The following EEF2 variants were observed in gnomAD, a reference collection of about 807,000 sequenced individuals.
EEF2 encodes eukaryotic translation elongation factor 2.
A neutral mutation model predicts 85.3 loss-of-function variants in EEF2; 21 were observed. The observed-to-expected ratio is 0.25, with a 90% CI of 0.17 to 0.35. The LOEUF (loss-of-function observed/expected upper bound fraction) is 0.35. Among genes scored for constraint, EEF2 ranks in the 10% least tolerant of loss-of-function variants. The probability of loss-of-function intolerance (pLI) is 1.00; values close to 1 mark genes in which losing one functional copy is unlikely to be tolerated. For synonymous variants in EEF2, 723 were observed against 508.8 expected, an observed-to-expected ratio of 1.42 and a Z score of -5.67; for missense variants, 825 against 1,225.3, an observed-to-expected ratio of 0.67 and a Z score of 4.88.
chr19:3,982,335 G>T lies in EEF2; in HGVS notation c.702C>A (p.Ala234=). The stretch of plus-strand genomic sequence containing the variant: ...GGCCCTCCCCCTTGGCGGCGAACTT[G>T]GCCACATACATCTCGGCAAACTGCT... ...TLKQFAEMYV[A]KFAAKGEGQL... is the part of the protein sequence containing the mutation. Residue 234 remains alanine, a synonymous_variant, in exon 5 of 15, where the codon GCC becomes GCA. Transcript: ENST00000309311. The T allele has an allele frequency of 6.2e-7, 1 of 1,614,152 alleles. No individual in the cohort carries two copies. The highest frequency in any genetic ancestry group is 8.5e-7 in the Non-Finnish European group (1 of 1,180,038).
chr19:3,979,607 A>C (rs1287794447), intron 10 of EEF2, 171 bp from the exon 11 acceptor site: 8 of 948,016 alleles, frequency 8.4e-6, no homozygotes, highest in Non-Finnish European at 1.3e-5. Flanking sequence ...CACAAGCTAC[A>C]GTGAACACGC....
Position 3,985,369 on chromosome 19 carries a change from G to T in EEF2, c.3+9C>A, listed in dbSNP as rs756229330. The T allele has an allele frequency of 1.3e-6, 2 of 1,504,478 alleles. No homozygotes were observed. Among genetic ancestry groups the T allele is most frequent in the Non-Finnish European group, 8.9e-7 (1 of 1,121,864 alleles). The allele number at this position is 1,504,478 out of a possible 1,614,324, so 93.2% of individuals were successfully genotyped here. Reference sequence around the variant, plus strand: ...CGCTCCGGGGCACCAGCGAGGCAGGGTTACTCACCATGGTGGCGGATGGCG... The same window carrying T: ...CGCTCCGGGGCACCAGCGAGGCAGGTTTACTCACCATGGTGGCGGATGGCG... On this transcript the variant is annotated intron_variant, in intron 1 of 14. Coordinates refer to ENST00000309311, the MANE Select transcript of EEF2 (RefSeq NM_001961.4).
Position 3,977,717 on chromosome 19 carries a change from C to T in EEF2, c.2067+102G>A, listed in dbSNP as rs530881667. Reference sequence around the variant, plus strand: ...CACCAGGGGGACCTGGGGCCTTGCCCGCCTTGGCCCCATTAGGGTCTCTGT... The same window carrying T: ...CACCAGGGGGACCTGGGGCCTTGCCTGCCTTGGCCCCATTAGGGTCTCTGT... On this transcript the variant is annotated intron_variant, in intron 12 of 14. Transcript: ENST00000309311. The surrounding 1 kb of genome is among the most constrained non-coding windows in gnomAD (Gnocchi z 5.4). 21 of 1,480,934 alleles carry T rather than the reference C, an allele frequency of 1.4e-5. No homozygotes were observed. The East Asian group carries it at 1.6e-4, about 11-fold the overall frequency. The allele number at this position is 1,480,934 out of a possible 1,614,324, so 91.7% of individuals were successfully genotyped here. A position where few individuals can be genotyped will look rare whatever the true frequency, so the allele number is the denominator to read the frequency against.
intron 1 of EEF2, 144 bp from the exon 2 acceptor site, chr19:3,984,494 G>A (rs2039794752): frequency 7.4e-6 from 6 of 807,074 alleles, no homozygotes; most frequent in Non-Finnish European, 1.2e-5. Flanking sequence ...AATCTTGCCA[G>A]CCTAACACCC....
Position 3,980,045 on chromosome 19 carries a change from G to A in EEF2, c.1368C>T (p.Arg456=), listed in dbSNP as rs772793732. The change falls in exon 10 of 15, where the codon CGC becomes CGT. Residue 456 remains arginine, a synonymous_variant. Coordinates refer to ENST00000309311, the MANE Select transcript of EEF2 (RefSeq NM_001961.4). ...GCACATCCTCGATGGGCTCCACGTAGCGGCCCATCATCAAGATTGTTCTGG... is the reference window on the plus strand; with the variant it reads ...GCACATCCTCGATGGGCTCCACGTAACGGCCCATCATCAAGATTGTTCTGG... ...PIQRTILMMG[R]YVEPIEDVPC... The A allele has an allele frequency of 1.3e-5, 21 of 1,613,354 alleles. No homozygotes were observed. The highest frequency in any genetic ancestry group is 1.7e-5 in the Non-Finnish European group (20 of 1,179,958).
In EEF2 at chr19:3,976,173, CT is replaced by C. The variant is rs1416409704; in HGVS notation, c.*380del. On this transcript the variant is annotated 3_prime_UTR_variant, in exon 15 of 15. Transcript: ENST00000309311. The stretch of plus-strand genomic sequence containing the variant: ...TCATCTACCCGCGTGTTCCTTTCCC[CT>C]TTCTGGGGCAAAAGCCACTGCGGGC... The C allele has an allele frequency of 1.2e-5, 3 of 245,244 alleles. No individual in the cohort carries two copies. Among genetic ancestry groups the C allele is most frequent in the African/African-American group, 7.0e-5 (3 of 42,924 alleles). The allele number at this position is 245,244 out of a possible 1,614,324, so 15.2% of individuals were successfully genotyped here.
rs748709884 is a variant in EEF2, at chr19:3,976,549, G to T, written c.*5C>A. On this transcript the variant is annotated 3_prime_UTR_variant, in exon 15 of 15. Transcript: ENST00000309311. ...CGGGGCGGCAGGCGCTGCAGGAAGGGCCGCCTACAATTTGTCCAGGAAGTT... is the reference window on the plus strand; with the variant it reads ...CGGGGCGGCAGGCGCTGCAGGAAGGTCCGCCTACAATTTGTCCAGGAAGTT... 6.2e-7 allele frequency: 1 copy of T among 1,600,848 alleles called. No homozygotes were observed. The highest frequency in any genetic ancestry group is 1.1e-5 in the South Asian group (1 of 89,016).
chr19:3,982,124 G>A, intron 5 of EEF2, 72 bp from the exon 6 acceptor site: 1 of 1,598,700 alleles, frequency 6.3e-7, no homozygotes, highest in South Asian at 1.1e-5. Context: ...GGTCGCCAAG[G>A]GGACATGCTT....
rs756076383 is a variant in EEF2 at position 3,982,004 on chromosome 19, G to A, written c.840C>T (p.Pro280=). ...AGGTGCGTGGCAGCTTCTTCCCTTC[G>A]GGGCTGGTGGCTGACTTGCTGAACT... ...NGKFSKSATS[P]EGKKLPRTFC... is the part of the protein sequence containing the mutation. The change falls in exon 6 of 15, where the codon CCC becomes CCT. Residue 280 remains proline (P), a synonymous_variant. Coordinates refer to ENST00000309311, the MANE Select transcript of EEF2 (RefSeq NM_001961.4). 3.0e-5 allele frequency: 48 copies of A among 1,614,056 alleles called. No individual in the cohort carries two copies. The Admixed American group carries it at 3.8e-4, about 13-fold the overall frequency.
chr19:3,982,056 G>A lies in EEF2; in HGVS notation c.792-4C>T, dbSNP rs1555684574. On this transcript the variant is annotated splice_polypyrimidine_tract_variant and splice_region_variant and intron_variant, in intron 5 of 14. Coordinates refer to ENST00000309311, the MANE Select transcript of EEF2 (RefSeq NM_001961.4). ...GCCGTTGGCTGGGTCAAAGTACCTG[G>A]CAAGGAGAGGCCAAGCCAAATCAAG... 1.9e-6 allele frequency: 3 copies of A among 1,613,894 alleles called. No homozygotes were observed. The highest frequency in any genetic ancestry group is 8.5e-7 in the Non-Finnish European group (1 of 1,179,898).
chr19:3,981,918 G>A, intron 6 of EEF2, 29 bp downstream of exon 6: 1 of 1,603,290 alleles, frequency 6.2e-7, no homozygotes, highest in Non-Finnish European at 8.5e-7. Context: ...AGTCGCATCG[G>A]CGGGGTGCCT....
rs1234852387 is a variant in EEF2 at position 3,978,011 on chromosome 19, A to G, written c.1875T>C (p.Arg625=). The part of the protein sequence containing the change: ...EDIDKGEVSA[R]QELKQRARYL... ...AGCGCGCCCGCTGCTTGAGCTCCTGACGGGCGGACACCTCGCCTTTATCGA... is the reference window on the plus strand; with the variant it reads ...AGCGCGCCCGCTGCTTGAGCTCCTGGCGGGCGGACACCTCGCCTTTATCGA... The change falls in exon 12 of 15, where the codon CGT becomes CGC. Residue 625 remains arginine (R), a synonymous_variant. Transcript: ENST00000309311. 6.2e-7 allele frequency: 1 copy of G among 1,610,648 alleles called. No homozygotes were observed. The highest frequency in any genetic ancestry group is 8.5e-7 in the Non-Finnish European group (1 of 1,178,214).
Position 3,985,383 on chromosome 19 carries a change from T to C in EEF2, c.-3A>G, listed in dbSNP as rs754033543. The C allele has an allele frequency of 2.2e-5, 33 of 1,512,194 alleles. No individual in the cohort carries two copies. Among genetic ancestry groups the C allele is most frequent in the African/African-American group, 2.9e-5 (2 of 70,050 alleles). The allele number at this position is 1,512,194 out of a possible 1,614,324, so 93.7% of individuals were successfully genotyped here. A position where few individuals can be genotyped will look rare whatever the true frequency, so the allele number is the denominator to read the frequency against. On this transcript the variant is annotated 5_prime_UTR_variant, in exon 1 of 15. Transcript: ENST00000309311. ...AGCGAGGCAGGGTTACTCACCATGGTGGCGGATGGCGGTGGATTCTCCCAG... is the reference window on the plus strand; with the variant it reads ...AGCGAGGCAGGGTTACTCACCATGGCGGCGGATGGCGGTGGATTCTCCCAG...
At position 3,976,588 on chromosome 19, in the gene EEF2, A is replaced by G; in HGVS notation, c.2543T>C (p.Ile848Thr). ...TRKRKGLKEG[I>T]PALDNFLDKL ...GTCCAGGAAGTTGTCCAGGGCAGGGATGCCTTCTTTCAGGCCCTTGCGCTT... is the reference window on the plus strand; with the variant it reads ...GTCCAGGAAGTTGTCCAGGGCAGGGGTGCCTTCTTTCAGGCCCTTGCGCTT... The change falls in exon 15 of 15, where the codon ATC becomes ACC. Residue 848 changes from isoleucine (I) to threonine (T), a missense_variant. By Grantham distance (89) the Ile-to-Thr change is moderately conservative. Transcript: ENST00000309311. 6.2e-7 allele frequency: 1 copy of G among 1,610,438 alleles called. No individual in the cohort carries two copies. Among genetic ancestry groups the G allele is most frequent in the South Asian group, 1.1e-5 (1 of 90,318 alleles).
Position 3,982,898 on chromosome 19 carries a change from A to G in EEF2, c.521T>C (p.Leu174Pro). 1 of 1,613,678 alleles carries G rather than the reference A, an allele frequency of 6.2e-7. No homozygotes were observed. Among genetic ancestry groups the G allele is most frequent in the Non-Finnish European group, 8.5e-7 (1 of 1,180,002 alleles). Residue 174 changes from leucine (L) to proline (P), a missense_variant, in exon 4 of 15, where the codon CTC (leucine) becomes CCC (proline). By Grantham distance (98) the Leu-to-Pro change is moderately conservative (BLOSUM62 -3). Coordinates refer to ENST00000309311, the MANE Select transcript of EEF2 (RefSeq NM_001961.4). ...CACGATGCGCTGGAAAGTCTGGTAG[A>G]GCTCCTCGGGCTCCAGCTGCAGCTC... The part of the protein sequence containing the change: ...LLELQLEPEE[L>P]YQTFQRIVEN...
Position 3,976,475 on chromosome 19 carries a change from G to T in EEF2, c.*79C>A. ...GTCGCTGTGTCGGGACAGTCTCCAG[G>T]TGTCGTCTGAGAATTCGAGGACGTG... On this transcript the variant is annotated 3_prime_UTR_variant, in exon 15 of 15. Transcript: ENST00000309311. The T allele has an allele frequency of 6.7e-7, 1 of 1,499,288 alleles. No individual in the cohort carries two copies. The highest frequency in any genetic ancestry group is 9.0e-7 in the Non-Finnish European group (1 of 1,111,440). The allele number at this position is 1,499,288 out of a possible 1,614,324, so 92.9% of individuals were successfully genotyped here.
At chr19:3,983,810 G>A (rs372602195) in intron 2 of EEF2, 2 of 409,204 alleles carry the variant, frequency 4.9e-6, no homozygotes, top group South Asian at 2.6e-5. Flanking sequence ...GAGCTTCCCA[G>A]CGTCCCAAGC....
chr19:3,981,677 C>T (rs552844498), intron 6 of EEF2, among the ~76,000 whole-genome samples: 3 of 152,362 alleles, frequency 2.0e-5, no homozygotes, highest in African/African-American at 7.2e-5. Flanking sequence ...CAGACAAGGA[C>T]CCAAGTTCTG....
rs2039773878 is a variant in EEF2, at chr19:3,982,900, C to G, written c.519G>C (p.Glu173Asp). 6.2e-7 allele frequency: 1 copy of G among 1,613,544 alleles called. No homozygotes were observed. The highest frequency in any genetic ancestry group is 1.3e-5 in the African/African-American group (1 of 74,946). ...CGATGCGCTGGAAAGTCTGGTAGAGCTCCTCGGGCTCCAGCTGCAGCTCCA... is the reference window on the plus strand; with the variant it reads ...CGATGCGCTGGAAAGTCTGGTAGAGGTCCTCGGGCTCCAGCTGCAGCTCCA... ...ALLELQLEPE[E>D]LYQTFQRIVE... Residue 173 changes from glutamate to aspartate, a missense_variant, in exon 4 of 15, where the codon GAG (glutamate) becomes GAC (aspartate). Coordinates refer to ENST00000309311, the MANE Select transcript of EEF2 (RefSeq NM_001961.4).
Sources: gnomAD v4.1 joint callset for allele counts (sites outside exome capture counted in the v4.1 genomes callset) on GRCh38, gnomAD v4.1.1 for gene constraint, Gnocchi (gnomAD v3.1) non-coding constraint, MANE v1.5 for transcripts, NCBI Gene and HGNC (gene_info 2026-07-23, HGNC 2026-07-21) for gene names.